Variants in ZNF208 observed in about 807,000 individuals in gnomAD.
ZNF208 encodes zinc finger protein 95.
Under a neutral mutation model 12.1 loss-of-function variants are expected in ZNF208, and 10 were observed. The observed-to-expected ratio is 0.83, with a 90% CI of 0.51 to 1.40. ZNF208 has a LOEUF of 1.40. Ranked by LOEUF, ZNF208 falls within the 40% of genes most tolerant of loss-of-function variation. The probability of loss-of-function intolerance (pLI) is 0.00; values close to 1 mark genes in which losing one functional copy is unlikely to be tolerated. For synonymous variants in ZNF208, 497 were observed against 488.4 expected, an observed-to-expected ratio of 1.02 and a Z score of -0.23; for missense variants, 1,652 against 1,485.0, an observed-to-expected ratio of 1.11 and a Z score of -1.85.
intron 4 of ZNF208, among the ~76,000 whole-genome samples, chr19:21,957,180 C>T (rs1187461937): frequency 6.6e-6 from 1 of 152,130 alleles, no homozygotes; most frequent in Non-Finnish European, 1.5e-5. Context: ...GCTGGGACTA[C>T]AGGCATGCAC....
At position 21,971,528 on chromosome 19, in the gene ZNF208, T is replaced by C. The variant is rs1970283693; in HGVS notation, c.3506A>G (p.Tyr1169Cys). The C allele has an allele frequency of 1.9e-6, 3 of 1,611,178 alleles. No homozygotes were observed. In the East Asian group the frequency reaches 6.7e-5, roughly 36 times the overall value. The change falls in exon 4 of 4, where the codon TAC (tyrosine) becomes TGC (cysteine). Residue 1169 changes from tyrosine (Y) to cysteine (C), a missense_variant. By Grantham distance (194) the Tyr-to-Cys change is radical. Around this residue, in one of 3 missense-constraint regions of ZNF208, gnomAD observed 1,239 missense variants for 1,086.2 expected, o/e 1.14. Coordinates refer to ENST00000397126, the MANE Select transcript of ZNF208 (RefSeq NM_007153.3). ...HKKIHTVEKP[Y>C]KCEECGKGFV... ...GCCTTTGCCACATTCTTCACATTTG[T>C]AGGGTTTCTCTACAGTATGAATTTT...
chr19:21,963,657 C>T (rs931387846), downstream of ZNF208, among the ~76,000 whole-genome samples: 1 of 151,988 alleles, frequency 6.6e-6, no homozygotes, highest in African/African-American at 2.4e-5. Flanking sequence ...TCTAGTCATA[C>T]TATTTTTTAG....
intron 3 of ZNF208, among the ~76,000 whole-genome samples, chr19:21,985,240 C>T (rs893979178): frequency 2.0e-5 from 3 of 152,044 alleles, no homozygotes; most frequent in African/African-American, 7.3e-5. Context: ...TTTGCTTAAC[C>T]CCCAACAGCA....
At chr19:21,959,775 G>A (rs1970035040) in intron 4 of ZNF208, among the ~76,000 whole-genome samples, 1 of 152,162 alleles carries the variant, frequency 6.6e-6, no homozygotes, top group South Asian at 2.1e-4. Context: ...ACAAAGGACA[G>A]CAAAGCTGTA....
intron 3 of ZNF208, among the ~76,000 whole-genome samples, chr19:21,984,746 A>G (rs1248141603): frequency 2.0e-5 from 3 of 152,194 alleles, no homozygotes; most frequent in African/African-American, 7.2e-5. Flanking sequence ...TGCAACCCTA[A>G]AAGTATATAG....
intron 1 of ZNF208, among the ~76,000 whole-genome samples, chr19:22,000,153 A>G (rs1568456641): frequency 6.6e-6 from 1 of 152,226 alleles, no homozygotes; most frequent in Non-Finnish European, 1.5e-5. Flanking sequence ...CAGATCATTG[A>G]AGAAGAAAAT....
In ZNF208 at chr19:21,971,205, C is replaced by T. The variant is rs746869399; in HGVS notation, c.3829G>A (p.Gly1277Arg). The T allele has an allele frequency of 7.4e-6, 12 of 1,611,872 alleles. No homozygotes were observed. The highest frequency in any genetic ancestry group is 1.7e-4 in the Middle Eastern group (1 of 6,050). Residue 1277 changes from glycine to arginine, a missense_variant, in exon 4 of 4, where the codon GGA (glycine) becomes AGA (arginine). This residue lies in a region of ZNF208 where 1,239 missense variants were observed against 1,086.2 expected (regional missense o/e 1.14). Transcript: ENST00000397126. ...VFSKHKKIHTGEKL is the reference protein window; with the variant it reads ...VFSKHKKIHTREKL Reference sequence around the variant, plus strand: ...TCTTCACATTTCTAGAGTTTCTCTCCAGTATGAATTTTCTTATGTTTACTG... The same window carrying T: ...TCTTCACATTTCTAGAGTTTCTCTCTAGTATGAATTTTCTTATGTTTACTG...
chr19:21,988,649 C>G, intron 2 of ZNF208, 134 bp downstream of exon 2: 1 of 1,551,426 alleles, frequency 6.4e-7, no homozygotes, highest in Non-Finnish European at 8.8e-7. Flanking sequence ...GGCCCCTGAC[C>G]CCTTCTTCCA....
intron 1 of ZNF208, among the ~76,000 whole-genome samples, chr19:21,989,342 G>GT (rs1970686828): frequency 6.7e-6 from 1 of 148,844 alleles, no homozygotes; most frequent in South Asian, 2.1e-4. Flanking sequence ...GCGGTGTTTG[G>GT]TTTTTTGTCC....
At chr19:21,962,484 A>C (rs1320394449), downstream of ZNF208, among the ~76,000 whole-genome samples, 2 of 152,114 alleles carry the variant, frequency 1.3e-5, no homozygotes, top group African/African-American at 4.8e-5. Flanking sequence ...TTCTGCTCAA[A>C]TCACCATTTC....
intron 1 of ZNF208, among the ~76,000 whole-genome samples, chr19:22,002,135 A>C (rs781203814): frequency 3.6e-4 from 55 of 152,146 alleles, no homozygotes; most frequent in Non-Finnish European, 7.5e-4. Flanking sequence ...AAAGCTTTCA[A>C]TAAAATTTAA....
In ZNF208 at chr19:21,971,438, C is replaced by T. The variant is rs777799476; in HGVS notation, c.3596G>A (p.Cys1199Tyr). ...VIHTGEKLYK[C>Y]EECGKAYKWP... ...CTTATAGGCTTTGCCACATTCTTCA[C>T]ATTTGTAGAGTTTCTCTCCAGTATG... Residue 1199 changes from cysteine to tyrosine, a missense_variant, in exon 4 of 4, where the codon TGT becomes TAT. Cys to Tyr is a radical substitution (Grantham distance 194). Around this residue, in one of 3 missense-constraint regions of ZNF208, gnomAD observed 1,239 missense variants for 1,086.2 expected, o/e 1.14. Transcript: ENST00000397126. 3 of 1,610,236 alleles carry T rather than the reference C, an allele frequency of 1.9e-6. No individual in the cohort carries two copies. The highest frequency in any genetic ancestry group is 2.5e-6 in the Non-Finnish European group (3 of 1,179,426).
At chr19:21,963,281 A>T (rs1006846592), downstream of ZNF208, among the ~76,000 whole-genome samples, 19 of 152,080 alleles carry the variant, frequency 1.2e-4, no homozygotes, top group African/African-American at 4.6e-4. Context: ...GCTTTATGGA[A>T]TTTTGTTTAC....
At chr19:21,991,014 A>G (rs1266271875) in intron 1 of ZNF208, among the ~76,000 whole-genome samples, 3 of 152,310 alleles carry the variant, frequency 2.0e-5, no homozygotes, top group African/African-American at 2.4e-5. Context: ...GGCTGAGACA[A>G]TGGAGTTTTC....
downstream of ZNF208, among the ~76,000 whole-genome samples, chr19:21,965,216 A>C (rs1262214458): frequency 6.6e-6 from 1 of 152,040 alleles, no homozygotes; most frequent in Non-Finnish European, 1.5e-5. Flanking sequence ...GAAACTATAA[A>C]TTTTTAGAAA....
chr19:21,999,017 T>C (rs1019557690), intron 1 of ZNF208, among the ~76,000 whole-genome samples: 2 of 143,710 alleles, frequency 1.4e-5, no homozygotes, highest in Non-Finnish European at 3.0e-5. Context: ...TGCTATAATT[T>C]TATAGCATAA....
chr19:22,010,812 G>A lies in ZNF208; in HGVS notation c.-18C>T, dbSNP rs373510015. On this transcript the variant is annotated 5_prime_UTR_variant, in exon 1 of 4. Coordinates refer to ENST00000397126, the MANE Select transcript of ZNF208 (RefSeq NM_007153.3). ...CTCACCATTTCTAGGCTTCCAGGGGGTCCTGGCGACTTAGTTGTGGATCTC... is the reference window on the plus strand; with the variant it reads ...CTCACCATTTCTAGGCTTCCAGGGGATCCTGGCGACTTAGTTGTGGATCTC... 1 of 1,613,960 alleles carries A rather than the reference G, an allele frequency of 6.2e-7. No homozygotes were observed. The highest frequency in any genetic ancestry group is 8.5e-7 in the Non-Finnish European group (1 of 1,179,970).
At chr19:21,955,733 T>C (rs1969963377) in intron 4 of ZNF208, among the ~76,000 whole-genome samples, 1 of 152,206 alleles carries the variant, frequency 6.6e-6, no homozygotes, top group Admixed American at 6.5e-5. Context: ...ATTTGTCTAA[T>C]CTTTTTTCAA....
At chr19:21,976,874 T>C (rs1182096716) in intron 3 of ZNF208, among the ~76,000 whole-genome samples, 1 of 152,248 alleles carries the variant, frequency 6.6e-6, no homozygotes, top group African/African-American at 2.4e-5. Context: ...TAAAAAATTT[T>C]AAATATCAAG....
Sources: allele counts gnomAD v4.1 joint callset (sites outside exome capture counted in the v4.1 genomes callset), GRCh38; gene constraint gnomAD v4.1.1; regional missense constraint gnomAD v4.1.1; transcripts MANE v1.5; gene names NCBI Gene and HGNC (gene_info 2026-07-23, HGNC 2026-07-21).